The following HMCES variants were observed in gnomAD, a reference collection of about 807,000 sequenced individuals.
HMCES encodes abasic site processing protein HMCES.
A neutral mutation model predicts 35.1 loss-of-function variants in HMCES; 27 were observed. That is an observed-to-expected ratio of 0.77 (90% confidence interval 0.57 to 1.06). HMCES has a LOEUF of 1.06. HMCES is among the 50% of genes least tolerant of loss of function. The probability of loss-of-function intolerance (pLI) is 0.00; values close to 1 mark genes in which losing one functional copy is unlikely to be tolerated. For synonymous variants in HMCES, 130 were observed against 154.7 expected (o/e 0.84, Z 1.18); for missense variants, 391 against 430.4 (o/e 0.91, Z 0.81).
At chr3:129,296,143 C>A (rs944102584) in intron 4 of HMCES, among the ~76,000 whole-genome samples, 2 of 152,094 alleles carry the variant, frequency 1.3e-5, no homozygotes, top group Admixed American at 1.3e-4. Context: ...TCACTGCAAC[C>A]CCTACTTCCC....
chr3:129,298,880 C>T (rs556670179), intron 5 of HMCES, among the ~76,000 whole-genome samples: 17 of 152,320 alleles, frequency 1.1e-4, no homozygotes, highest in Admixed American at 4.6e-4. Flanking sequence ...CACGGTGGCT[C>T]ACGCCTGTAA....
intron 2 of HMCES, among the ~76,000 whole-genome samples, chr3:129,286,581 A>G (rs1209221750): frequency 1.3e-5 from 2 of 152,194 alleles, no homozygotes; most frequent in Non-Finnish European, 2.9e-5. Flanking sequence ...GAAATTCAAC[A>G]TATGATCTTC....
At chr3:129,300,196 A>G (rs943292027) in intron 5 of HMCES, among the ~76,000 whole-genome samples, 4 of 149,804 alleles carry the variant, frequency 2.7e-5, no homozygotes, top group Admixed American at 6.7e-5. Context: ...ATATATAGAA[A>G]AGTTCAGAAA....
intron 4 of HMCES, among the ~76,000 whole-genome samples, chr3:129,293,184 G>T (rs933315969): frequency 6.6e-6 from 1 of 152,192 alleles, no homozygotes; most frequent in Non-Finnish European, 1.5e-5. Context: ...GTAAGCCCAA[G>T]AATTTAGTCA....
At chr3:129,283,869 C>T (rs1940563984) in intron 2 of HMCES, among the ~76,000 whole-genome samples, 1 of 152,142 alleles carries the variant, frequency 6.6e-6, no homozygotes, top group Admixed American at 6.5e-5. Flanking sequence ...GGGATCCTCC[C>T]CACTTGGCCT....
chr3:129,301,475 T>C (rs1560078497), intron 5 of HMCES, among the ~76,000 whole-genome samples: 1 of 152,198 alleles, frequency 6.6e-6, no homozygotes, highest in Admixed American at 6.5e-5. Flanking sequence ...CTAAACCTAG[T>C]ATATTTTCCT....
At chr3:129,292,879 A>C (rs2071041602) in intron 4 of HMCES, among the ~76,000 whole-genome samples, 1 of 152,190 alleles carries the variant, frequency 6.6e-6, no homozygotes, top group African/African-American at 2.4e-5. Flanking sequence ...TTTTATTAAA[A>C]AAATGTTTAG....
At chr3:129,297,673 C>T (rs1035091583) in intron 4 of HMCES, among the ~76,000 whole-genome samples, 1 of 152,130 alleles carries the variant, frequency 6.6e-6, no homozygotes, top group Non-Finnish European at 1.5e-5. Context: ...ATAACATTAT[C>T]TGAATTCTTA....
intron 5 of HMCES, among the ~76,000 whole-genome samples, chr3:129,299,331 C>T (rs146117890): frequency 6.6e-6 from 1 of 152,294 alleles, no homozygotes; most frequent in Non-Finnish European, 1.5e-5. Flanking sequence ...TCCTGGGGCA[C>T]AGTTTTCCTC....
intron 4 of HMCES, among the ~76,000 whole-genome samples, chr3:129,292,914 T>C (rs1421903862): frequency 6.6e-6 from 1 of 152,038 alleles, no homozygotes; most frequent in East Asian, 1.9e-4. Flanking sequence ...GATTAGTAGG[T>C]GATTGGTGGA....
intron 5 of HMCES, among the ~76,000 whole-genome samples, chr3:129,300,248 A>G (rs2071147152): frequency 6.6e-6 from 1 of 151,644 alleles, no homozygotes; most frequent in African/African-American, 2.4e-5. Context: ...AATAGTATGC[A>G]GTGAGCCAAA....
At chr3:129,282,273 G>A (rs1940513702) in intron 2 of HMCES, among the ~76,000 whole-genome samples, 2 of 141,448 alleles carry the variant, frequency 1.4e-5, no homozygotes, top group Admixed American at 1.4e-4. Context: ...ACCAGCCTGA[G>A]CAAATGAGAC....
chr3:129,302,136 C>A lies in HMCES; in HGVS notation c.822C>A (p.Val274=). The change falls in exon 6 of 7, where the codon GTC becomes GTA. Residue 274 remains valine (V), a synonymous_variant. Coordinates refer to ENST00000383463, the MANE Select transcript of HMCES (RefSeq NM_020187.3). ...PECLAPVDLV[V]KKELRASGSS... ...GTCTGGCTCCTGTCGACTTGGTGGT[C>A]AAAAAGGTAGGGGCCTGTGACTGGT... The A allele has an allele frequency of 6.2e-7, 1 of 1,608,598 alleles. No homozygotes were observed. The highest frequency in any genetic ancestry group is 1.1e-5 in the South Asian group (1 of 89,934).
chr3:129,283,570 C>G (rs189583233), intron 2 of HMCES, among the ~76,000 whole-genome samples: 3 of 152,194 alleles, frequency 2.0e-5, no homozygotes, highest in Admixed American at 2.0e-4. Context: ...GAGGCTCACA[C>G]CTGTAATCTC....
At chr3:129,289,048 C>G in intron 3 of HMCES, 51 bp downstream of exon 3, 5 of 1,411,936 alleles carry the variant, frequency 3.5e-6, no homozygotes, top group Non-Finnish European at 2.9e-6. Context: ...AATAAGGTTC[C>G]AAAGGGTGTT....
At chr3:129,295,694 A>T (rs951272577) in intron 4 of HMCES, among the ~76,000 whole-genome samples, 3 of 152,136 alleles carry the variant, frequency 2.0e-5, no homozygotes, top group Non-Finnish European at 4.4e-5. Context: ...TGAGAAGTCT[A>T]GTGTATAACT....
intron 6 of HMCES, 151 bp downstream of exon 6, chr3:129,302,293 G>A (rs755869972): frequency 1.6e-6 from 1 of 607,890 alleles, no homozygotes. Flanking sequence ...GTAGTGTAGA[G>A]CAGCAATTCT....
chr3:129,279,835 C>A lies in HMCES; in HGVS notation c.103C>A (p.Pro35Thr). 6.2e-7 allele frequency: 1 copy of A among 1,613,608 alleles called. No individual in the cohort carries two copies. Among genetic ancestry groups the A allele is most frequent in the Non-Finnish European group, 8.5e-7 (1 of 1,179,828 alleles). Residue 35 changes from proline to threonine, a missense_variant, in exon 2 of 7, where the codon CCT (proline) becomes ACT (threonine). Physicochemically the swap from Pro to Thr is conservative, Grantham distance 38 (BLOSUM62 -1). Transcript: ENST00000383463. The surrounding 1 kb of genome is among the most constrained non-coding windows in gnomAD (Gnocchi z 4.2). ...GCAGCGGCTCCCGGAGTGGAGGGAC[C>A]CTGATAAGTACTGCCCCTCTTACAA... ...GQQRLPEWRD[P>T]DKYCPSYNKS...
intron 2 of HMCES, among the ~76,000 whole-genome samples, chr3:129,285,945 G>T (rs1016419907): frequency 2.0e-5 from 3 of 151,676 alleles, no homozygotes; most frequent in African/African-American, 4.8e-5. Context: ...GGCCAGGCTG[G>T]TCTCAAACTC....
Sources: gnomAD v4.1 joint callset for allele counts (sites outside exome capture counted in the v4.1 genomes callset) on GRCh38, gnomAD v4.1.1 for gene constraint, Gnocchi (gnomAD v3.1) non-coding constraint, MANE v1.5 for transcripts, NCBI Gene and HGNC (gene_info 2026-07-23, HGNC 2026-07-21) for gene names.